Variants in RIMS2 observed in about 807,000 individuals in gnomAD.
RIMS2 encodes the protein regulating synaptic membrane exocytosis 2, also known as regulating synaptic membrane exocytosis protein 2.
A neutral mutation model predicts 174.4 loss-of-function variants in RIMS2; 59 were observed. That is an observed-to-expected ratio of 0.34 (90% CI 0.27 to 0.42). The LOEUF (loss-of-function observed/expected upper bound fraction) is 0.42. Ranked by LOEUF, RIMS2 falls within the 10% of genes least tolerant of loss-of-function variation. The pLI, the probability that RIMS2 is intolerant of heterozygous loss-of-function variation, is 1.00. For missense variants in RIMS2, 1,620 were observed against 1,666.3 expected (o/e 0.97, Z 0.48); for synonymous variants, 606 against 572.5 (o/e 1.06, Z -0.84).
At chr8:103,661,564 C>T (rs971906509) in intron 1 of RIMS2, among the ~76,000 whole-genome samples, 10 of 151,950 alleles carry the variant, frequency 6.6e-5, no homozygotes, top group African/African-American at 1.7e-4. Flanking sequence ...AGTGCAGTGG[C>T]GTGATCTTGG....
chr8:103,590,641 T>G (rs943955364), intron 1 of RIMS2, among the ~76,000 whole-genome samples: 1 of 135,950 alleles, frequency 7.4e-6, no homozygotes, highest in Non-Finnish European at 1.6e-5. Flanking sequence ...CATTCATGAA[T>G]CTATCGTATA....
intron 3 of RIMS2, among the ~76,000 whole-genome samples, chr8:103,836,233 T>C (rs555477761): frequency 6.6e-6 from 1 of 152,358 alleles, no homozygotes; most frequent in Non-Finnish European, 1.5e-5. Flanking sequence ...TTTATGATAA[T>C]TATTTATAAT....
intron 19 of RIMS2, among the ~76,000 whole-genome samples, chr8:104,112,697 TATTTAGGGCATAC>T (rs2098210290): frequency 1.3e-5 from 2 of 152,140 alleles, no homozygotes; most frequent in South Asian, 4.1e-4. Context: ...CAGAGAACAA[TATTTAGGGCATAC>T]TGAAATTTTA....
At chr8:104,232,933 C>T (rs886303076) in intron 19 of RIMS2, among the ~76,000 whole-genome samples, 7 of 151,582 alleles carry the variant, frequency 4.6e-5, no homozygotes, top group African/African-American at 1.7e-4. Flanking sequence ...AAAACATTAA[C>T]AAATATCCAC....
intron 19 of RIMS2, among the ~76,000 whole-genome samples, chr8:104,109,346 A>G (rs1332124114): frequency 6.6e-6 from 1 of 151,818 alleles, no homozygotes; most frequent in Non-Finnish European, 1.5e-5. Context: ...CCCCAAAAAC[A>G]TGCATGAGAG....
intron 3 of RIMS2, among the ~76,000 whole-genome samples, chr8:103,851,644 TACACACACACACACACAC>T (rs10529078): frequency 4.5e-4 from 62 of 136,526 alleles, no homozygotes; most frequent in Admixed American, 1.6e-3. Context: ...GAATGCTATG[TACACACACACACACACAC>T]ACACACACAC....
At chr8:104,187,211 T>C (rs1029056678) in intron 19 of RIMS2, among the ~76,000 whole-genome samples, 12 of 151,792 alleles carry the variant, frequency 7.9e-5, no homozygotes, top group Non-Finnish European at 1.3e-4. Context: ...AAACTCTTTG[T>C]AGAAATATAA....
intron 1 of RIMS2, among the ~76,000 whole-genome samples, chr8:103,661,240 T>C (rs1482992955): frequency 6.6e-6 from 1 of 152,268 alleles, no homozygotes; most frequent in Non-Finnish European, 1.5e-5. Flanking sequence ...TGTACTTCAG[T>C]ATCTGAATAT....
At chr8:103,621,165 C>G (rs1487570325) in intron 1 of RIMS2, among the ~76,000 whole-genome samples, 1 of 152,150 alleles carries the variant, frequency 6.6e-6, no homozygotes, top group East Asian at 1.9e-4. Flanking sequence ...AGAAATAGCA[C>G]TTGAACATAA....
At position 103,519,790 on chromosome 8, in the gene RIMS2, C is replaced by A. The variant is rs933800700; in HGVS notation, c.176+18728C>A. Among the ~76,000 whole-genome samples the A allele has an allele frequency of 2.1e-5, 3 of 145,164 alleles. No homozygotes were observed. In the Admixed American group the frequency reaches 2.1e-4, roughly 10 times the overall value. ...AAATTTACCAGAGCCAGAAACATTACGGTTTAGACTCAGGCTGGCTCCTGT... is the reference window on the plus strand; with the variant it reads ...AAATTTACCAGAGCCAGAAACATTAAGGTTTAGACTCAGGCTGGCTCCTGT... On this transcript the variant is annotated intron_variant, in intron 1 of 23. Transcript: ENST00000504942.
At chr8:103,647,872 G>T (rs1589663612) in intron 1 of RIMS2, among the ~76,000 whole-genome samples, 1 of 146,306 alleles carries the variant, frequency 6.8e-6, no homozygotes, top group Admixed American at 6.7e-5. Context: ...AAAACCAGCT[G>T]CTGGGTTCAT....
chr8:104,040,365 T>C (rs1211772425), intron 19 of RIMS2, among the ~76,000 whole-genome samples: 1 of 151,706 alleles, frequency 6.6e-6, no homozygotes, highest in African/African-American at 2.4e-5. Flanking sequence ...GTGTCAATCA[T>C]ACTAGTACAC....
At chr8:103,901,356 A>G (rs940763837) in intron 4 of RIMS2, among the ~76,000 whole-genome samples, 1 of 152,080 alleles carries the variant, frequency 6.6e-6, no homozygotes, top group Non-Finnish European at 1.5e-5. Flanking sequence ...TCCCCATTCC[A>G]TGCCTCAGGT....
At chr8:103,936,499 G>T (rs1251858567) in intron 12 of RIMS2, 52 bp from the exon 15 acceptor site, 4 of 1,235,290 alleles carry the variant, frequency 3.2e-6, no homozygotes, top group South Asian at 3.6e-5. Flanking sequence ...AAAATTTTAG[G>T]ACAAAACTTA....
chr8:103,501,140 G>A (rs1819511415), intron 1 of RIMS2, 78 bp downstream of exon 1: 3 of 1,128,852 alleles, frequency 2.7e-6, no homozygotes, highest in African/African-American at 1.6e-5. Flanking sequence ...CCGCCTGCGC[G>A]CCCCAGTTCG....
chr8:104,049,126 TA>T (rs397891918), intron 19 of RIMS2, among the ~76,000 whole-genome samples: 55,021 of 139,710 alleles, frequency 0.39, 10,400 homozygotes, highest in Non-Finnish European at 0.43. Context: ...GATTTTTCTT[TA>T]AAAAAAAAAA....
chr8:103,500,923 C>T, exon 1 of RIMS2: 2 of 1,607,438 alleles, frequency 1.2e-6, no homozygotes, highest in Admixed American at 1.7e-5. Context: ...CCGCCTGGCT[C>T]CCATCCCGGC....
intron 9 of RIMS2, among the ~76,000 whole-genome samples, chr8:103,919,723 G>GT (rs1421535513): frequency 6.6e-6 from 1 of 152,094 alleles, no homozygotes; most frequent in African/African-American, 2.4e-5. Context: ...TTTCTTTAAA[G>GT]TTTTTATCAG....
At chr8:104,210,703 G>A (rs2099101460) in intron 19 of RIMS2, among the ~76,000 whole-genome samples, 1 of 152,094 alleles carries the variant, frequency 6.6e-6, no homozygotes, top group Non-Finnish European at 1.5e-5. Context: ...CAGTATCACA[G>A]GGCCTTTCCA....
Sources: gnomAD v4.1 joint callset for allele counts (sites outside exome capture counted in the v4.1 genomes callset) on GRCh38, gnomAD v4.1.1 for gene constraint, MANE v1.5 for transcripts, NCBI Gene and HGNC (gene_info 2026-07-23, HGNC 2026-07-21) for gene names.